The following PCDHGB6 variants were observed in gnomAD, a reference collection of about 807,000 sequenced individuals.
The protein encoded by PCDHGB6 is protocadherin gamma-B6.
PCDHGB6 carries 51 observed loss-of-function variants against 59.1 expected under a neutral mutation model. That is an observed-to-expected ratio of 0.86 (90% CI 0.69 to 1.09). PCDHGB6 has a LOEUF of 1.09. PCDHGB6 is among the 50% of genes least tolerant of loss of function. The pLI, the probability that PCDHGB6 is intolerant of heterozygous loss-of-function variation, is 0.00. For missense variants in PCDHGB6, 1,148 were observed against 1,205.1 expected (o/e 0.95, Z 0.70); for synonymous variants, 466 against 495.1 (o/e 0.94, Z 0.78).
At position 141,486,646 on chromosome 5, in the gene PCDHGB6, C is replaced by T; in HGVS notation, c.2419-8161C>T. On this transcript the variant is annotated intron_variant, in intron 1 of 3. Transcript: ENST00000520790. The surrounding 1 kb of genome is among the most constrained non-coding windows in gnomAD (Gnocchi z 5.0). ...ACTCTGGCTTGAATGCGCTTATCTC[C>T]TACTCACTCCTGGAGCCCAGGAATC... is the stretch of plus-strand genomic sequence containing the variant. 4.3e-6 allele frequency: 7 copies of T among 1,613,916 alleles called. No individual in the cohort carries two copies. Among genetic ancestry groups the T allele is most frequent in the African/African-American group, 1.3e-5 (1 of 75,058 alleles).
rs938964469 is a variant in PCDHGB6 at position 141,485,439 on chromosome 5, C to T, written c.2419-9368C>T. On this transcript the variant is annotated intron_variant, in intron 1 of 3. Transcript: ENST00000520790. This position sits in a 1 kb window ranked among gnomAD's most constrained non-coding sequence, Gnocchi z 5.7. The stretch of plus-strand genomic sequence containing the variant: ...AGCGGAGCCCTGCTCATCAAGAACC[C>T]AATCGACCGAGAGGCACTGTGTGGG... The T allele has an allele frequency of 1.1e-5, 18 of 1,614,182 alleles. No homozygotes were observed. Among genetic ancestry groups the T allele is most frequent in the Non-Finnish European group, 1.5e-5 (18 of 1,180,036 alleles).
chr5:141,448,955 A>G (rs929888928), intron 1 of PCDHGB6, among the ~76,000 whole-genome samples: 1 of 152,174 alleles, frequency 6.6e-6, no homozygotes. Flanking sequence ...AAAAAAACAA[A>G]CAAACAAACA....
chr5:141,473,598 T>C (rs959841516), intron 1 of PCDHGB6, among the ~76,000 whole-genome samples: 8 of 152,066 alleles, frequency 5.3e-5, no homozygotes, highest in African/African-American at 1.9e-4. Flanking sequence ...CCTGTAGAAA[T>C]TAGCAAAGCA....
Position 141,490,835 on chromosome 5 carries a change from T to C in PCDHGB6, c.2419-3972T>C, listed in dbSNP as rs1284804400. 4 of 1,613,728 alleles carry C rather than the reference T, an allele frequency of 2.5e-6. No individual in the cohort carries two copies. The highest frequency in any genetic ancestry group is 1.1e-5 in the South Asian group (1 of 91,076). On this transcript the variant is annotated intron_variant, in intron 1 of 3. Transcript: ENST00000520790. This position sits in a 1 kb window ranked among gnomAD's most constrained non-coding sequence, Gnocchi z 5.4. ...TATGAATTGCTGCAGATGCTGCAGATTGTGGTGGGGGTTCGAGACTCCGGC... is the reference window on the plus strand; with the variant it reads ...TATGAATTGCTGCAGATGCTGCAGACTGTGGTGGGGGTTCGAGACTCCGGC...
In PCDHGB6 at chr5:141,477,074, A is replaced by G; in HGVS notation, c.2419-17733A>G. Reference sequence around the variant, plus strand: ...CTTCGAGGACACCAAACTCCATGAGATTTACATCCAGGCCAAAGACAAGGG... The same window carrying G: ...CTTCGAGGACACCAAACTCCATGAGGTTTACATCCAGGCCAAAGACAAGGG... On this transcript the variant is annotated intron_variant, in intron 1 of 3. Coordinates refer to ENST00000520790, the MANE Select transcript of PCDHGB6 (RefSeq NM_018926.3). This position sits in a 1 kb window ranked among gnomAD's most constrained non-coding sequence, Gnocchi z 4.9. 1 of 1,614,250 alleles carries G rather than the reference A, an allele frequency of 6.2e-7. No homozygotes were observed.
intron 1 of PCDHGB6, among the ~76,000 whole-genome samples, chr5:141,488,348 C>G (rs1231687770): frequency 3.2e-4 from 49 of 152,106 alleles, no homozygotes; most frequent in Admixed American, 3.2e-3. Context: ...TAGAAACAGC[C>G]ACCCTGTGCA....
chr5:141,454,796 ATTTTTTTTTTTTTTTTTT>A (rs61612330), intron 1 of PCDHGB6, among the ~76,000 whole-genome samples: 1 of 77,408 alleles, frequency 1.3e-5, no homozygotes, highest in Non-Finnish European at 2.3e-5. Flanking sequence ...CATGGTTCTA[ATTTTTTTTTTTTTTTTTT>A]TTTTTTTTTT....
At position 141,418,775 on chromosome 5, in the gene PCDHGB6, C is replaced by T. The variant is rs773519128; in HGVS notation, c.2418+8155C>T. 4 of 1,613,764 alleles carry T rather than the reference C, an allele frequency of 2.5e-6. No individual in the cohort carries two copies. In the East Asian group the frequency reaches 6.7e-5, roughly 27 times the overall value. ...TACAGGAAACATTCTAACTCAGCAG[C>T]CTTTGGATTTTGAAGAAGTAGAAAG... On this transcript the variant is annotated intron_variant, in intron 1 of 3. Transcript: ENST00000520790.
Position 141,423,157 on chromosome 5 carries a change from G to C in PCDHGB6, c.2418+12537G>C, listed in dbSNP as rs527921011. The C allele has an allele frequency of 7.4e-6, 12 of 1,610,820 alleles. No homozygotes were observed. The South Asian group carries it at 1.2e-4, about 16-fold the overall frequency. ...CAGAGACGCGCTCAAGCAGAGCCTC[G>C]TGGTGGCCGTCCAGGACCACGGCCA... On this transcript the variant is annotated intron_variant, in intron 1 of 3. Coordinates refer to ENST00000520790, the MANE Select transcript of PCDHGB6 (RefSeq NM_018926.3).
intron 1 of PCDHGB6, chr5:141,412,979 C>A: frequency 1.8e-6 from 1 of 542,930 alleles, no homozygotes; most frequent in Non-Finnish European, 3.2e-6. Flanking sequence ...AAAACGCAGC[C>A]AGAGCTCAAT....
intron 3 of PCDHGB6, among the ~76,000 whole-genome samples, chr5:141,506,300 T>G (rs2099852124): frequency 6.6e-6 from 1 of 151,976 alleles, no homozygotes; most frequent in East Asian, 1.9e-4. Flanking sequence ...AATACAAAAA[T>G]TAGCTGGGCA....
At chr5:141,488,784 T>C (rs116057353) in intron 1 of PCDHGB6, among the ~76,000 whole-genome samples, 1 of 152,248 alleles carries the variant, frequency 6.6e-6, no homozygotes, top group African/African-American at 2.4e-5. Flanking sequence ...TTGTATCACT[T>C]TGTCTTCCCT....
At position 141,490,181 on chromosome 5, in the gene PCDHGB6, G is replaced by A. The variant is rs755899660; in HGVS notation, c.2419-4626G>A. ...GGTCCCATAGACTTTGAGGAGTCACGTTTCTATGAAATTCATGCAAGAGCC... is the reference window on the plus strand; with the variant it reads ...GGTCCCATAGACTTTGAGGAGTCACATTTCTATGAAATTCATGCAAGAGCC... On this transcript the variant is annotated intron_variant, in intron 1 of 3. Coordinates refer to ENST00000520790, the MANE Select transcript of PCDHGB6 (RefSeq NM_018926.3). This position sits in a 1 kb window ranked among gnomAD's most constrained non-coding sequence, Gnocchi z 5.4. The A allele has an allele frequency of 9.9e-6, 16 of 1,614,200 alleles. No homozygotes were observed. Among genetic ancestry groups the A allele is most frequent in the Middle Eastern group, 1.6e-4 (1 of 6,062 alleles).
At chr5:141,478,567 C>A in intron 1 of PCDHGB6, 1 of 1,593,812 alleles carries the variant, frequency 6.3e-7, no homozygotes, top group Non-Finnish European at 8.6e-7. Flanking sequence ...GCAAGTCATG[C>A]TTGACCCTGT....
At position 141,408,680 on chromosome 5, in the gene PCDHGB6, C is replaced by G. The variant is rs774572788; in HGVS notation, c.478C>G (p.Pro160Ala). 1.5e-4 allele frequency: 245 copies of G among 1,613,812 alleles called. No homozygotes were observed. Among genetic ancestry groups the G allele is most frequent in the Non-Finnish European group, 1.9e-4 (222 of 1,179,872 alleles). The change falls in exon 1 of 4, where the codon CCT becomes GCT. Residue 160 changes from proline to alanine, a missense_variant. Physicochemically the swap from Pro to Ala is conservative, Grantham distance 27. Coordinates refer to ENST00000520790, the MANE Select transcript of PCDHGB6 (RefSeq NM_018926.3). ...ACTATCGCTTGACCCTGCCACGGAT[C>G]CTGATATAAACATAAACTCAATTAA... ...TRLSLDPATD[P>A]DININSIKDY...
chr5:141,475,644 A>C (rs1021491842), intron 1 of PCDHGB6, among the ~76,000 whole-genome samples: 2 of 152,238 alleles, frequency 1.3e-5, no homozygotes, highest in Non-Finnish European at 2.9e-5. Context: ...TCTTGTGATC[A>C]AAGAAAGTGA....
At chr5:141,422,705 C>A in intron 1 of PCDHGB6, 1 of 1,602,702 alleles carries the variant, frequency 6.2e-7, no homozygotes, top group East Asian at 2.2e-5. Flanking sequence ...TACTCTCTGA[C>A]GGATGACACT....
Position 141,408,299 on chromosome 5 carries a change from A to C in PCDHGB6, c.97A>C (p.Ile33Leu). 1 of 1,613,662 alleles carries C rather than the reference A, an allele frequency of 6.2e-7. No homozygotes were observed. Among genetic ancestry groups the C allele is most frequent in the Non-Finnish European group, 8.5e-7 (1 of 1,179,680 alleles). The change falls in exon 1 of 4, where the codon ATC becomes CTC. Residue 33 changes from isoleucine to leucine, a missense_variant. Ile to Leu is a conservative substitution (Grantham distance 5). Transcript: ENST00000520790. The part of the protein sequence containing the change: ...PLFYPTLSEP[I>L]RYSIPEELAK... ...GTTCTACCCCACCCTGAGTGAGCCG[A>C]TCCGCTACTCGATTCCGGAGGAGCT... is the stretch of plus-strand genomic sequence containing the variant.
chr5:141,438,721 G>A (rs886300746), intron 1 of PCDHGB6, among the ~76,000 whole-genome samples: 30 of 148,304 alleles, frequency 2.0e-4, no homozygotes, highest in Non-Finnish European at 7.4e-5. Flanking sequence ...AGTGCAAGTG[G>A]TGTGATCTCA....
Sources: gnomAD v4.1 joint callset for allele counts (sites outside exome capture counted in the v4.1 genomes callset) on GRCh38, gnomAD v4.1.1 for gene constraint, Gnocchi (gnomAD v3.1) non-coding constraint, MANE v1.5 for transcripts, NCBI Gene and HGNC (gene_info 2026-07-23, HGNC 2026-07-21) for gene names.